ARMC3: variants seen among roughly 807,000 people sequenced by gnomAD.
The protein encoded by ARMC3 is armadillo repeat containing 3.
ARMC3 carries 74 observed loss-of-function variants against 90.3 expected under a neutral mutation model. That is an observed-to-expected ratio of 0.82 (90% CI 0.68 to 0.99). The LOEUF is 0.99. Among genes scored for constraint, ARMC3 ranks in the 50% least tolerant of loss-of-function variants. The probability of loss-of-function intolerance (pLI) is 0.00; values close to 1 mark genes in which losing one functional copy is unlikely to be tolerated. For synonymous variants in ARMC3, 334 were observed against 361.8 expected (o/e 0.92, Z 0.87); for missense variants, 958 against 1,042.8 (o/e 0.92, Z 1.12).
At chr10:22,950,547 A>G (rs1834704401) in intron 3 of ARMC3, among the ~76,000 whole-genome samples, 1 of 152,182 alleles carries the variant, frequency 6.6e-6, no homozygotes, top group Non-Finnish European at 1.5e-5. Context: ...ATACATAGAA[A>G]AGAAGGCTGA....
Position 22,962,069 on chromosome 10 carries a change from A to G in ARMC3, c.723A>G (p.Leu241=). The part of the protein sequence containing the change: ...NQGLDHLIKI[L]ETKELNDLHI... ...GATTGGACCATCTTATTAAGATCCT[A>G]GAAACTAAGGTATTTAGTTTCATTC... The change falls in exon 7 of 19, where the codon CTA becomes CTG. Residue 241 remains leucine (L), a synonymous_variant. Coordinates refer to ENST00000298032, the MANE Select transcript of ARMC3 (RefSeq NM_173081.5). The G allele has an allele frequency of 6.4e-7, 1 of 1,564,910 alleles. No homozygotes were observed. The highest frequency in any genetic ancestry group is 1.2e-5 in the South Asian group (1 of 83,252).
intron 7 of ARMC3, among the ~76,000 whole-genome samples, chr10:22,964,257 TAA>T (rs776870841): frequency 2.6e-4 from 39 of 152,280 alleles, no homozygotes; most frequent in Non-Finnish European, 4.7e-4. Context: ...TAAAAGGAAC[TAA>T]AGAGATAATA....
At position 22,956,586 on chromosome 10, in the gene ARMC3, G is replaced by A. The variant is rs536455671; in HGVS notation, c.292+654G>A. 1.1e-3 allele frequency among the ~76,000 whole-genome samples: 166 copies of A among 151,958 alleles called. 3 individuals carry two copies. The highest frequency in any genetic ancestry group is 0.01 in the Middle Eastern group (3 of 294). Reference sequence around the variant, plus strand: ...CCACTGCACTCCAGCCTGGGTGACAGAGTGAGACTGTCTCAAAAGAATAAA... The same window carrying A: ...CCACTGCACTCCAGCCTGGGTGACAAAGTGAGACTGTCTCAAAAGAATAAA... On this transcript the variant is annotated intron_variant, in intron 4 of 18. Coordinates refer to ENST00000298032, the MANE Select transcript of ARMC3 (RefSeq NM_173081.5).
intron 2 of ARMC3, among the ~76,000 whole-genome samples, chr10:22,945,850 T>C (rs1487487339): frequency 6.6e-6 from 1 of 152,212 alleles, no homozygotes; most frequent in Non-Finnish European, 1.5e-5. Context: ...GAAAAAGAAA[T>C]TGACATTCTA....
intron 11 of ARMC3, among the ~76,000 whole-genome samples, chr10:22,999,076 T>C (rs1331817278): frequency 1.3e-5 from 2 of 152,248 alleles, no homozygotes; most frequent in South Asian, 2.1e-4. Flanking sequence ...AGCTGGATAG[T>C]AGACAAACAG....
In ARMC3 at chr10:23,009,473, C is replaced by T. The variant is rs535980107; in HGVS notation, c.2045+542C>T. ...TACTTGGTTGGGACAATTATAATGT[C>T]GTTTTGAGGTCTGTGTTTTGTTTTG... On this transcript the variant is annotated intron_variant, in intron 16 of 18. Transcript: ENST00000298032. Among the ~76,000 whole-genome samples the T allele has an allele frequency of 9.7e-5, 14 of 144,474 alleles. No homozygotes were observed. The East Asian group carries it at 1.6e-3, about 17-fold the overall frequency. 94.8% of individuals were successfully genotyped at this position (144,474 alleles called of 152,430 possible). A position where few individuals can be genotyped will look rare whatever the true frequency, so the allele number is the denominator to read the frequency against.
At chr10:23,030,267 A>C (rs1381865630) in intron 16 of ARMC3, among the ~76,000 whole-genome samples, 1 of 152,182 alleles carries the variant, frequency 6.6e-6, no homozygotes, top group Non-Finnish European at 1.5e-5. Flanking sequence ...TATAGATACC[A>C]AAATCCATGC....
At chr10:22,983,457 T>A (rs1399500308) in intron 10 of ARMC3, among the ~76,000 whole-genome samples, 1 of 152,188 alleles carries the variant, frequency 6.6e-6, no homozygotes, top group Non-Finnish European at 1.5e-5. Flanking sequence ...TCTACTACAG[T>A]CAACTTTAGT....
chr10:23,010,457 TCCTCC>T (rs1837900780), intron 16 of ARMC3, among the ~76,000 whole-genome samples: 2 of 36,762 alleles, frequency 5.4e-5, no homozygotes, highest in Non-Finnish European at 9.3e-5. Flanking sequence ...TTCCTTTCCC[TCCTCC>T]CTCCTTCCTT....
chr10:22,998,648 A>G (rs1837129094), intron 11 of ARMC3, among the ~76,000 whole-genome samples: 1 of 152,244 alleles, frequency 6.6e-6, no homozygotes, highest in Admixed American at 6.5e-5. Flanking sequence ...TCTGTGTACC[A>G]GGAAGCATTG....
intron 16 of ARMC3, among the ~76,000 whole-genome samples, chr10:23,009,983 G>A (rs568863423): frequency 6.6e-5 from 10 of 152,206 alleles, no homozygotes; most frequent in South Asian, 2.1e-4. Flanking sequence ...CAAGGCGTAC[G>A]CAGTGGTTTG....
intron 8 of ARMC3, among the ~76,000 whole-genome samples, chr10:22,978,714 A>T (rs1226054124): frequency 6.6e-6 from 1 of 152,226 alleles, no homozygotes; most frequent in Non-Finnish European, 1.5e-5. Context: ...GCATATAATC[A>T]TGAAGAAGTT....
intron 10 of ARMC3, among the ~76,000 whole-genome samples, chr10:22,995,575 A>T (rs571502435): frequency 1.3e-5 from 2 of 152,242 alleles, no homozygotes; most frequent in African/African-American, 4.8e-5. Flanking sequence ...ATTTCCCTTT[A>T]CTGTCTCCAT....
chr10:22,974,090 C>T (rs1001497161), intron 8 of ARMC3, among the ~76,000 whole-genome samples: 16 of 152,114 alleles, frequency 1.1e-4, no homozygotes, highest in Middle Eastern at 3.2e-3. Flanking sequence ...AATGACTTCA[C>T]TTTATGTTTT....
intron 10 of ARMC3, among the ~76,000 whole-genome samples, chr10:22,982,315 T>C (rs1588877269): frequency 6.6e-6 from 1 of 151,858 alleles, no homozygotes; most frequent in East Asian, 1.9e-4. Context: ...GAGGTGGAGG[T>C]TGCAGTGAGC....
At chr10:22,978,787 T>C (rs1179908264) in intron 8 of ARMC3, among the ~76,000 whole-genome samples, 1 of 151,896 alleles carries the variant, frequency 6.6e-6, no homozygotes. Flanking sequence ...TATTGCTCCT[T>C]ATACTGTTAT....
In ARMC3 at chr10:22,959,460, C is replaced by G; in HGVS notation, c.423C>G (p.Thr141=). ...TAGCAAACATGTCTGCAGAGTACAC[C>G]AGTAAAGTGCAAATATTTGAACATG... ...LCLANMSAEY[T]SKVQIFEHGG... Residue 141 remains threonine (T), a synonymous_variant, in exon 6 of 19, where the codon ACC becomes ACG. Transcript: ENST00000298032. The G allele has an allele frequency of 2.5e-6, 4 of 1,613,812 alleles. No individual in the cohort carries two copies. Among genetic ancestry groups the G allele is most frequent in the Non-Finnish European group, 3.4e-6 (4 of 1,179,844 alleles).
chr10:23,001,011 TCTC>T (rs2076643145), intron 11 of ARMC3, among the ~76,000 whole-genome samples: 1 of 152,200 alleles, frequency 6.6e-6, no homozygotes, highest in African/African-American at 2.4e-5. Flanking sequence ...TTCTTTTTCT[TCTC>T]CTCTTCAGTC....
At chr10:22,954,934 G>A (rs1247043017) in intron 3 of ARMC3, among the ~76,000 whole-genome samples, 3 of 152,148 alleles carry the variant, frequency 2.0e-5, no homozygotes, top group African/African-American at 4.8e-5. Context: ...AGCCAGGGGT[G>A]TAATTCAGTC....
Sources: allele counts gnomAD v4.1 joint callset (sites outside exome capture counted in the v4.1 genomes callset), GRCh38; gene constraint gnomAD v4.1.1; transcripts MANE v1.5; gene names NCBI Gene and HGNC (gene_info 2026-07-23, HGNC 2026-07-21).